PCSK5: variants seen among roughly 807,000 people sequenced by gnomAD.
PCSK5 encodes prohormone convertase 5.
PCSK5 carries 129 observed loss-of-function variants against 233.2 expected under a neutral mutation model. The ratio of observed to expected loss-of-function variants is 0.55; its 90% CI spans 0.48 to 0.64. The LOEUF (loss-of-function observed/expected upper bound fraction) is 0.64, where lower values mean the gene tolerates loss of function less well. PCSK5 is among the 30% of genes least tolerant of loss of function. The pLI is 0.00. For synonymous variants in PCSK5, 825 were observed against 879.2 expected (o/e 0.94, Z 1.09); for missense variants, 2,076 against 2,430.1 (o/e 0.85, Z 3.06).
In PCSK5 at chr9:75,893,341, C is replaced by T. The variant is rs1324058117; in HGVS notation, c.192+1968C>T. Among the ~76,000 whole-genome samples the T allele has an allele frequency of 3.3e-5, 5 of 152,126 alleles. 1 individual carries two copies. Among genetic ancestry groups the T allele is most frequent in the African/African-American group, 4.8e-5 (2 of 41,438 alleles). On this transcript the variant is annotated intron_variant, in intron 1 of 37. Coordinates refer to ENST00000674117, the MANE Select transcript of PCSK5 (RefSeq NM_001372043.1). ...CCTGCTACTCTGACTGTTGCAGGCC[C>T]AGTCCCCCATGGATCCTGCCTTTTA... is the stretch of plus-strand genomic sequence containing the variant.
At chr9:76,231,616 G>T (rs1826086332) in intron 21 of PCSK5, among the ~76,000 whole-genome samples, 2 of 151,972 alleles carry the variant, frequency 1.3e-5, no homozygotes, top group Non-Finnish European at 2.9e-5. Flanking sequence ...GGGTTTTTTT[G>T]TTTGTTTGTT....
chr9:76,105,461 G>A (rs1381601492), intron 8 of PCSK5, among the ~76,000 whole-genome samples: 2 of 152,176 alleles, frequency 1.3e-5, no homozygotes, highest in African/African-American at 4.8e-5. Flanking sequence ...GTACAAGCTT[G>A]TACATATATG....
chr9:76,250,965 A>G (rs1344949434), intron 24 of PCSK5, among the ~76,000 whole-genome samples: 5 of 152,250 alleles, frequency 3.3e-5, no homozygotes, highest in Admixed American at 2.0e-4. Context: ...TTGTATTTCA[A>G]TCAATCTGGC....
chr9:76,049,042 G>A (rs1010714586), intron 5 of PCSK5, among the ~76,000 whole-genome samples: 1 of 151,860 alleles, frequency 6.6e-6, no homozygotes, highest in Non-Finnish European at 1.5e-5. Flanking sequence ...ACAGACTGGA[G>A]GTCAAATCTA....
At chr9:76,193,264 G>A (rs752713651) in intron 20 of PCSK5, 8 of 1,613,376 alleles carry the variant, frequency 5.0e-6, no homozygotes, top group Non-Finnish European at 6.8e-6. Context: ...GCGGAAGGAG[G>A]CTTCTGTATG....
At chr9:76,238,730 T>C (rs1826332400) in intron 22 of PCSK5, among the ~76,000 whole-genome samples, 1 of 152,196 alleles carries the variant, frequency 6.6e-6, no homozygotes. Context: ...GTAGTCGCTG[T>C]TCACTGAAAT....
At chr9:76,041,641 ACAAT>A (rs1356387559) in intron 5 of PCSK5, among the ~76,000 whole-genome samples, 6 of 152,140 alleles carry the variant, frequency 3.9e-5, no homozygotes, top group African/African-American at 1.4e-4. Context: ...AGAGATCAAG[ACAAT>A]CCTGGCCAAT....
At chr9:76,011,059 G>A (rs539729703) in intron 3 of PCSK5, among the ~76,000 whole-genome samples, 1 of 152,306 alleles carries the variant, frequency 6.6e-6, no homozygotes, top group East Asian at 1.9e-4. Context: ...AATTCTGTTG[G>A]ATGCTATTAA....
At chr9:75,921,837 C>A (rs78928163) in intron 1 of PCSK5, among the ~76,000 whole-genome samples, 1 of 152,268 alleles carries the variant, frequency 6.6e-6, no homozygotes, top group East Asian at 1.9e-4. Context: ...AGCGTAATGT[C>A]ATTTCCAGGT....
chr9:76,271,149 AAAGGTAAT>A (rs995627653), intron 24 of PCSK5, among the ~76,000 whole-genome samples: 1 of 152,218 alleles, frequency 6.6e-6, no homozygotes, highest in African/African-American at 2.4e-5. Context: ...GTTGAAATAA[AAAGGTAAT>A]AATCACACCT....
At chr9:76,220,380 A>G (rs1825685936) in intron 20 of PCSK5, among the ~76,000 whole-genome samples, 1 of 151,978 alleles carries the variant, frequency 6.6e-6, no homozygotes, top group Non-Finnish European at 1.5e-5. Flanking sequence ...TACAAAAATC[A>G]GCTGGGCGTG....
intron 5 of PCSK5, among the ~76,000 whole-genome samples, chr9:76,033,090 C>T (rs1268160288): frequency 2.6e-5 from 4 of 152,174 alleles, no homozygotes; most frequent in African/African-American, 7.2e-5. Flanking sequence ...TCTGGTTTTA[C>T]GAATGTTGCC....
chr9:76,302,866 A>AAATAAATAC (rs1204262341), intron 28 of PCSK5, among the ~76,000 whole-genome samples: 1 of 152,180 alleles, frequency 6.6e-6, no homozygotes, highest in Admixed American at 6.5e-5. Context: ...ATTAAATAAA[A>AAATAAATAC]AATAAATACA....
chr9:76,103,168 C>A (rs1197698539), intron 8 of PCSK5, among the ~76,000 whole-genome samples: 1 of 152,134 alleles, frequency 6.6e-6, no homozygotes, highest in African/African-American at 2.4e-5. Flanking sequence ...AAATCAGCTT[C>A]TTCTATTTTA....
chr9:76,056,460 C>G (rs183758799), intron 5 of PCSK5, among the ~76,000 whole-genome samples: 33 of 152,096 alleles, frequency 2.2e-4, no homozygotes, highest in African/African-American at 7.7e-4. Flanking sequence ...ATACAGTGAC[C>G]CCATGAAGGC....
chr9:76,058,901 T>C (rs1829924260), intron 5 of PCSK5, among the ~76,000 whole-genome samples: 1 of 152,164 alleles, frequency 6.6e-6, no homozygotes, highest in Admixed American at 6.5e-5. Flanking sequence ...GCCCAGCTAC[T>C]TGGGAAGCTG....
intron 31 of PCSK5, among the ~76,000 whole-genome samples, 181 bp from the exon 32 acceptor site, chr9:76,322,871 T>A (rs1240321701): frequency 6.6e-6 from 1 of 152,234 alleles, no homozygotes; most frequent in East Asian, 1.9e-4. Flanking sequence ...ATGTGTGGCC[T>A]CCTTGTCCCA....
chr9:75,929,118 A>G (rs1823657833), intron 1 of PCSK5, among the ~76,000 whole-genome samples: 1 of 152,030 alleles, frequency 6.6e-6, no homozygotes, highest in South Asian at 2.1e-4. Context: ...TATTTTTAGT[A>G]GAGATGGGGT....
chr9:76,023,042 C>T (rs1301112438), intron 3 of PCSK5, among the ~76,000 whole-genome samples: 1 of 152,034 alleles, frequency 6.6e-6, no homozygotes, highest in Non-Finnish European at 1.5e-5. Flanking sequence ...CTTCTAGGCG[C>T]GTGGTTGAGA....
Sources: allele counts gnomAD v4.1 joint callset (sites outside exome capture counted in the v4.1 genomes callset), GRCh38; gene constraint gnomAD v4.1.1; transcripts MANE v1.5; gene names NCBI Gene and HGNC (gene_info 2026-07-23, HGNC 2026-07-21).